Variants in TUT4 observed in about 807,000 individuals in gnomAD.
The protein encoded by TUT4 is terminal uridylyl transferase 4, also known as terminal uridylyltransferase 4.
In TUT4, 36 loss-of-function variants were observed where a neutral mutation model predicts 192.2. That is an observed-to-expected ratio of 0.19 (90% confidence interval 0.14 to 0.25). TUT4 has a LOEUF of 0.25. TUT4 is among the 10% of genes least tolerant of loss of function. The pLI is 1.00. For synonymous variants in TUT4, 618 were observed against 666.0 expected (o/e 0.93, Z 1.11); for missense variants, 1,493 against 1,957.2 (o/e 0.76, Z 4.47).
intron 3 of TUT4, chr1:52,514,691 CTTAT>C (rs1028347125): frequency 6.6e-6 from 1 of 151,928 alleles, no homozygotes; most frequent in Non-Finnish European, 1.5e-5. Flanking sequence ...CATTTCTTTC[CTTAT>C]TTATCAAGAA....
At chr1:52,540,390 C>G (rs534332633) in intron 1 of TUT4, among the ~76,000 whole-genome samples, 5 of 151,708 alleles carry the variant, frequency 3.3e-5, no homozygotes, top group Non-Finnish European at 7.4e-5. Flanking sequence ...GTGGCATGCA[C>G]CTGTAGTCCG....
chr1:52,435,454 C>A lies in TUT4; in HGVS notation c.4174G>T (p.Val1392Phe). 6.2e-7 allele frequency: 1 copy of A among 1,614,032 alleles called. No individual in the cohort carries two copies. Among genetic ancestry groups the A allele is most frequent in the Non-Finnish European group, 8.5e-7 (1 of 1,179,938 alleles). Residue 1392 changes from valine (V) to phenylalanine (F), a missense_variant, in exon 27 of 30, where the codon GTC becomes TTC. Physicochemically the swap from Val to Phe is conservative, Grantham distance 50 (BLOSUM62 -1). Coordinates refer to ENST00000257177, the MANE Select transcript of TUT4 (RefSeq NM_001009881.3). Reference sequence around the variant, plus strand: ...TGTTGAGCATTTACAAGGTTGCGGACCAGCTGGGCTGCTAAGAGAAGGCAT... The same window carrying A: ...TGTTGAGCATTTACAAGGTTGCGGAACAGCTGGGCTGCTAAGAGAAGGCAT... ...RNSSVAAAQL[V>F]RNLVNAQQVA... is the part of the protein sequence containing the mutation.
chr1:52,447,324 C>G (rs941387911), intron 20 of TUT4, among the ~76,000 whole-genome samples: 3 of 151,882 alleles, frequency 2.0e-5, no homozygotes, highest in African/African-American at 7.3e-5. Context: ...TGGCGTGCAC[C>G]TGTAATCCCA....
chr1:52,504,520 C>T (rs1231295314), intron 4 of TUT4, among the ~76,000 whole-genome samples: 1 of 152,078 alleles, frequency 6.6e-6, no homozygotes, highest in Admixed American at 6.6e-5. Flanking sequence ...ATCCCAGCTA[C>T]TCGGGAGGCT....
At chr1:52,462,172 A>T (rs1188321686) in intron 16 of TUT4, 1 of 147,714 alleles carries the variant, frequency 6.8e-6, no homozygotes, top group African/African-American at 2.6e-5. Flanking sequence ...CCTGGATTCA[A>T]ATCTTTTTTT....
intron 2 of TUT4, among the ~76,000 whole-genome samples, chr1:52,524,523 CA>C (rs1022366500): frequency 5.1e-4 from 57 of 112,244 alleles, no homozygotes; most frequent in Non-Finnish European, 5.0e-4. Context: ...GACTCCATCT[CA>C]AAAAAAAAAA....
rs761025403 is a variant in TUT4 at position 52,458,357 on chromosome 1, A to G, written c.3414T>C (p.Pro1138=). ...VLYFLQQRKP[P]VIPVLQEIFD... is the part of the protein sequence containing the mutation. ...CTACCTCTTGTAGAACTGGGATAAC[A>G]GGTGGCTTTCTCTGCTGCAGAAAGT... Residue 1138 remains proline (P), a synonymous_variant, in exon 20 of 30, where the codon CCT becomes CCC. Coordinates refer to ENST00000257177, the MANE Select transcript of TUT4 (RefSeq NM_001009881.3). 1 of 1,613,698 alleles carries G rather than the reference A, an allele frequency of 6.2e-7. No homozygotes were observed. The highest frequency in any genetic ancestry group is 1.7e-5 in the Admixed American group (1 of 59,966).
At chr1:52,528,750 C>T (rs966429165) in intron 1 of TUT4, among the ~76,000 whole-genome samples, 5 of 151,918 alleles carry the variant, frequency 3.3e-5, no homozygotes, top group African/African-American at 1.2e-4. Context: ...ACAAAAAAAT[C>T]CTACCTAAAA....
At chr1:52,501,150 A>G (rs1467278475) in intron 4 of TUT4, among the ~76,000 whole-genome samples, 2 of 152,220 alleles carry the variant, frequency 1.3e-5, no homozygotes, top group Non-Finnish European at 2.9e-5. Flanking sequence ...AAAAGACACT[A>G]CTGACAGAGT....
At chr1:52,510,085 G>A (rs2149308468) in intron 3 of TUT4, among the ~76,000 whole-genome samples, 1 of 152,132 alleles carries the variant, frequency 6.6e-6, no homozygotes, top group Middle Eastern at 3.4e-3. Flanking sequence ...GACGACGCTG[G>A]CAGATCACTT....
rs749211025 is a variant in TUT4, at chr1:52,437,275, G to T, written c.3939-297C>A. 2.7e-5 allele frequency: 7 copies of T among 255,666 alleles called. 1 individual carries two copies. The highest frequency in any genetic ancestry group is 4.4e-5 in the Non-Finnish European group (6 of 135,288). 15.8% of individuals were successfully genotyped at this position (255,666 alleles called of 1,614,324 possible). A position where few individuals can be genotyped will look rare whatever the true frequency, so the allele number is the denominator to read the frequency against. On this transcript the variant is annotated intron_variant, in intron 25 of 29. Coordinates refer to ENST00000257177, the MANE Select transcript of TUT4 (RefSeq NM_001009881.3). Reference sequence around the variant, plus strand: ...TTTTAAAAAGAAATTGAGGCTTAGAGAAGATAAGTGTCTTGACTAAATTTA... The same window carrying T: ...TTTTAAAAAGAAATTGAGGCTTAGATAAGATAAGTGTCTTGACTAAATTTA...
At chr1:52,444,179 T>A (rs1656637473) in intron 24 of TUT4, among the ~76,000 whole-genome samples, 3 of 151,362 alleles carry the variant, frequency 2.0e-5, no homozygotes, top group Non-Finnish European at 4.4e-5. Context: ...GGTTGCAGTG[T>A]GCCAAGATCA....
Position 52,547,992 on chromosome 1 carries a change from T to G in TUT4, c.-94+4939A>C, listed in dbSNP as rs762074085. ...TTGTATCTTTTAAAAGTGTGAATTTTATGGTATTGTAAATTATATCTCAAA... is the reference window on the plus strand; with the variant it reads ...TTGTATCTTTTAAAAGTGTGAATTTGATGGTATTGTAAATTATATCTCAAA... On this transcript the variant is annotated intron_variant, in intron 1 of 29. Coordinates refer to ENST00000257177, the MANE Select transcript of TUT4 (RefSeq NM_001009881.3). Among the ~76,000 whole-genome samples the G allele has an allele frequency of 7.2e-5, 11 of 152,302 alleles. 1 individual carries two copies. The South Asian group carries it at 2.3e-3, about 32-fold the overall frequency.
At chr1:52,445,934 G>A (rs1348030289) in intron 23 of TUT4, 23 bp downstream of exon 23, 3 of 1,605,024 alleles carry the variant, frequency 1.9e-6, no homozygotes, top group African/African-American at 1.3e-5. Context: ...TAAAATCAGA[G>A]AATCTCTATA....
intron 9 of TUT4, among the ~76,000 whole-genome samples, chr1:52,483,705 G>C (rs1439747375): frequency 1.3e-5 from 2 of 152,116 alleles, no homozygotes; most frequent in African/African-American, 2.4e-5. Flanking sequence ...AGCTACTCGG[G>C]AGGCTGAGAC....
chr1:52,444,916 C>CACGT (rs1341260907), intron 24 of TUT4, among the ~76,000 whole-genome samples: 31 of 115,228 alleles, frequency 2.7e-4, no homozygotes, highest in African/African-American at 1.5e-3. Flanking sequence ...TATGTATATA[C>CACGT]ATGTATGTGT....
At chr1:52,545,627 T>C (rs1412470592) in intron 1 of TUT4, among the ~76,000 whole-genome samples, 3 of 151,832 alleles carry the variant, frequency 2.0e-5, no homozygotes, top group Non-Finnish European at 2.9e-5. Context: ...AAAACTCCAA[T>C]GAGATACCAA....
chr1:52,498,217 A>G (rs909954905), intron 4 of TUT4, among the ~76,000 whole-genome samples: 7 of 151,384 alleles, frequency 4.6e-5, no homozygotes, highest in Non-Finnish European at 8.8e-5. Context: ...TCTAAGTCTT[A>G]CATAAGCATC....
At chr1:52,443,197 C>T (rs1201960583) in intron 24 of TUT4, among the ~76,000 whole-genome samples, 3 of 151,420 alleles carry the variant, frequency 2.0e-5, no homozygotes, top group South Asian at 2.1e-4. Flanking sequence ...GCAGGAGAAT[C>T]GCTTGAACCT....
Sources: gnomAD v4.1 joint callset for allele counts (sites outside exome capture counted in the v4.1 genomes callset) on GRCh38, gnomAD v4.1.1 for gene constraint, MANE v1.5 for transcripts, NCBI Gene and HGNC (gene_info 2026-07-23, HGNC 2026-07-21) for gene names.